MGST2: variants seen among roughly 807,000 people sequenced by gnomAD.
The protein encoded by MGST2 is glutathione peroxidase MGST2.
In MGST2, 9 loss-of-function variants were observed where a neutral mutation model predicts 16.6. The ratio of observed to expected loss-of-function variants is 0.54; its 90% CI spans 0.33 to 0.95. The LOEUF (loss-of-function observed/expected upper bound fraction) is 0.95. MGST2 is among the 40% of genes least tolerant of loss of function. The pLI is 0.03. For missense variants in MGST2, 159 were observed against 175.1 expected, an observed-to-expected ratio of 0.91 and a Z score of 0.52; for synonymous variants, 79 against 68.0, an observed-to-expected ratio of 1.16 and a Z score of -0.79.
At position 139,703,547 on chromosome 4, in the gene MGST2, C is replaced by CCCAGTAATTT; in HGVS notation, c.311+12_311+21dup. On this transcript the variant is annotated intron_variant, in intron 4 of 4. Transcript: ENST00000265498. The stretch of plus-strand genomic sequence containing the variant: ...AGCTGCTAAAAAACGGTAAGGAGAA[C>CCCAGTAATTT]CCAGTAATTTTGTATTTATGCAAAA... 6.2e-7 allele frequency: 1 copy of CCCAGTAATTT among 1,611,408 alleles called. No homozygotes were observed. The highest frequency in any genetic ancestry group is 1.1e-5 in the South Asian group (1 of 91,036).
At chr4:139,720,900 G>A (rs968096497) in intron 5 of MGST2, among the ~76,000 whole-genome samples, 4 of 152,158 alleles carry the variant, frequency 2.6e-5, no homozygotes, top group Non-Finnish European at 5.9e-5. Context: ...TTTCCCTTAA[G>A]ACTTGAGTAG....
intron 5 of MGST2, among the ~76,000 whole-genome samples, chr4:139,726,713 A>G (rs1728486444): frequency 6.6e-6 from 1 of 152,216 alleles, no homozygotes; most frequent in African/African-American, 2.4e-5. Context: ...TGCTTTGAGG[A>G]AACCATGTGG....
chr4:139,741,590 TA>T (rs1446250188), downstream of MGST2, among the ~76,000 whole-genome samples: 1 of 151,924 alleles, frequency 6.6e-6, no homozygotes, highest in Non-Finnish European at 1.5e-5. Flanking sequence ...CTACTAAAAA[TA>T]AAAAAATTAG....
chr4:139,745,747 T>G, the MGST2 span, among the ~76,000 whole-genome samples: 1 of 152,218 alleles, frequency 6.6e-6, no homozygotes, highest in African/African-American at 2.4e-5. Context: ...AAAACTAAAT[T>G]TATTTAAATG....
At chr4:139,704,567 C>T (rs1439124705), downstream of MGST2, among the ~76,000 whole-genome samples, 1 of 152,188 alleles carries the variant, frequency 6.6e-6, no homozygotes, top group Non-Finnish European at 1.5e-5. Flanking sequence ...ATGTGGGGGA[C>T]ATCAGGCAAA....
At chr4:139,742,120 C>G (rs563471732), downstream of MGST2, among the ~76,000 whole-genome samples, 1 of 150,626 alleles carries the variant, frequency 6.6e-6, no homozygotes, top group African/African-American at 2.4e-5. Flanking sequence ...ATCATCCTCT[C>G]TACAGATCTT....
At chr4:139,695,021 G>A (rs1726835679) in intron 2 of MGST2, among the ~76,000 whole-genome samples, 176 bp from the exon 3 acceptor site, 1 of 152,160 alleles carries the variant, frequency 6.6e-6, no homozygotes, top group Admixed American at 6.5e-5. Flanking sequence ...CTGCTCTGAG[G>A]TTTAAACAAT....
rs1324577883 is a variant in MGST2 at position 139,724,879 on chromosome 4, C to T, written c.*49-15333C>T. On this transcript the variant is annotated intron_variant, in intron 5 of 5. Transcript: ENST00000616265. ...GTTCAAGCGATTCTTGTGCCTCAACCTCCTAAGTAACTGAGATTACAGGTA... is the reference window on the plus strand; with the variant it reads ...GTTCAAGCGATTCTTGTGCCTCAACTTCCTAAGTAACTGAGATTACAGGTA... Among the ~76,000 whole-genome samples the T allele has an allele frequency of 2.6e-5, 4 of 151,762 alleles. No individual in the cohort carries two copies. In the South Asian group the frequency reaches 8.3e-4, roughly 32 times the overall value.
At chr4:139,723,679 C>T (rs1480247832) in intron 5 of MGST2, among the ~76,000 whole-genome samples, 1 of 152,154 alleles carries the variant, frequency 6.6e-6, no homozygotes, top group Non-Finnish European at 1.5e-5. Flanking sequence ...TTCTGTAACA[C>T]AGGGGAATTA....
intron 3 of MGST2, among the ~76,000 whole-genome samples, chr4:139,699,111 T>G (rs145805252): frequency 1.7e-3 from 261 of 152,370 alleles, no homozygotes; most frequent in Non-Finnish European, 3.0e-3. Context: ...CGCAATTTTC[T>G]GGAAAGAAGA....
the MGST2 span, among the ~76,000 whole-genome samples, chr4:139,753,354 A>ATCTG: frequency 6.6e-6 from 1 of 150,752 alleles, no homozygotes; most frequent in Non-Finnish European, 1.5e-5. Context: ...CTATCTATCT[A>ATCTG]TCTATCTATC....
intron 2 of MGST2, among the ~76,000 whole-genome samples, chr4:139,680,808 G>T (rs1731204746): frequency 6.6e-6 from 1 of 152,060 alleles, no homozygotes; most frequent in African/African-American, 2.4e-5. Context: ...TTGCTCCATG[G>T]CTTCCTAGTT....
chr4:139,708,424 C>G (rs1727603307), downstream of MGST2, among the ~76,000 whole-genome samples: 1 of 151,642 alleles, frequency 6.6e-6, no homozygotes. Context: ...TGATCTATAT[C>G]TCTTTTTTGG....
At chr4:139,703,214 A>G (rs1189499270) in intron 3 of MGST2, among the ~76,000 whole-genome samples, 2 of 152,082 alleles carry the variant, frequency 1.3e-5, no homozygotes, top group Non-Finnish European at 2.9e-5. Context: ...GGCCTGAGCT[A>G]CCACGTCCAG....
At chr4:139,709,800 C>T (rs1727670897) in intron 5 of MGST2, among the ~76,000 whole-genome samples, 1 of 152,178 alleles carries the variant, frequency 6.6e-6, no homozygotes, top group Non-Finnish European at 1.5e-5. Context: ...CACAGTCATC[C>T]ATGCTGGCCT....
At chr4:139,739,170 G>A (rs1729067446) in intron 5 of MGST2, among the ~76,000 whole-genome samples, 1 of 152,178 alleles carries the variant, frequency 6.6e-6, no homozygotes, top group African/African-American at 2.4e-5. Flanking sequence ...AGGTATAACT[G>A]GAGATGACAA....
rs139946171 is a variant in MGST2, at chr4:139,671,474, G to A, written c.58+5397G>A. On this transcript the variant is annotated intron_variant, in intron 1 of 4. Transcript: ENST00000265498. ...GTCATCATATATTCATCATATATAC[G>A]TATATATATTTTCAGACCTACTGCT... Among the ~76,000 whole-genome samples, 618 of 151,962 alleles carry A rather than the reference G, an allele frequency of 4.1e-3. 1 individual carries two copies. The highest frequency in any genetic ancestry group is 0.014 in the African/African-American group (595 of 41,478).
the MGST2 span, among the ~76,000 whole-genome samples, chr4:139,748,074 A>G: frequency 6.7e-6 from 1 of 149,234 alleles, no homozygotes; most frequent in Admixed American, 6.9e-5. Context: ...AAAAAAAAAA[A>G]AAGAATGCAC....
chr4:139,717,245 A>G (rs1728014224), intron 5 of MGST2: 1 of 150,756 alleles, frequency 6.6e-6, no homozygotes, highest in African/African-American at 2.4e-5. Flanking sequence ...CTTTTAAAAG[A>G]TAATGGAGCC....
Sources: gnomAD v4.1 joint callset for allele counts (sites outside exome capture counted in the v4.1 genomes callset) on GRCh38, gnomAD v4.1.1 for gene constraint, MANE v1.5 for transcripts, NCBI Gene and HGNC (gene_info 2026-07-23, HGNC 2026-07-21) for gene names.